The following XKR6 variants were observed in gnomAD, a reference collection of about 807,000 sequenced individuals.
The protein encoded by XKR6 is XK-related protein 6.
XKR6 carries 22 observed loss-of-function variants against 56.7 expected under a neutral mutation model. That is an observed-to-expected ratio of 0.39 (90% CI 0.28 to 0.55). XKR6 has a LOEUF of 0.55. Ranked by LOEUF, XKR6 falls within the 20% of genes least tolerant of loss-of-function variation. XKR6 has a pLI of 0.66. For missense variants in XKR6, 852 were observed against 889.0 expected (o/e 0.96, Z 0.53); for synonymous variants, 524 against 387.8 (o/e 1.35, Z -4.13).
intron 1 of XKR6, among the ~76,000 whole-genome samples, chr8:11,102,741 G>A (rs999425039): frequency 6.6e-6 from 1 of 152,154 alleles, no homozygotes; most frequent in Admixed American, 6.5e-5. Context: ...GAGCTGACAT[G>A]GGAAGAGTTA....
At chr8:11,008,463 C>G (rs1247872625) in intron 1 of XKR6, among the ~76,000 whole-genome samples, 1 of 149,386 alleles carries the variant, frequency 6.7e-6, no homozygotes, top group Non-Finnish European at 1.5e-5. Flanking sequence ...CTTTGTCACC[C>G]AGCCTGGAAC....
intron 1 of XKR6, among the ~76,000 whole-genome samples, chr8:11,171,154 A>G (rs951897527): frequency 1.3e-5 from 2 of 152,256 alleles, no homozygotes; most frequent in African/African-American, 2.4e-5. Flanking sequence ...AACTGCTAAG[A>G]AAGAAAGGAT....
chr8:10,953,158 A>C (rs1430503268), intron 1 of XKR6, among the ~76,000 whole-genome samples: 1 of 152,210 alleles, frequency 6.6e-6, no homozygotes, highest in African/African-American at 2.4e-5. Context: ...TAAAGTGTAC[A>C]ATCAATGTAA....
chr8:11,110,470 T>A (rs1057257651), intron 1 of XKR6, among the ~76,000 whole-genome samples: 2 of 152,194 alleles, frequency 1.3e-5, no homozygotes, highest in South Asian at 4.1e-4. Flanking sequence ...CCACCAACCA[T>A]CAAACTTTCA....
intron 1 of XKR6, among the ~76,000 whole-genome samples, chr8:11,113,403 T>C (rs537690499): frequency 2.6e-4 from 40 of 152,194 alleles, no homozygotes; most frequent in Non-Finnish European, 5.1e-4. Flanking sequence ...AAAGTTTTAC[T>C]AAAATGTAAA....
rs141370089 is a variant in XKR6, at chr8:10,972,718, G to A, written c.765-47888C>T. ...CAGGGGCTGGGGAAAAGTGGGGACT[G>A]GGGAGTCATTGTTTAGTGGGTACAG... On this transcript the variant is annotated intron_variant, in intron 1 of 2. Transcript: ENST00000416569. Among the ~76,000 whole-genome samples the A allele has an allele frequency of 3.9e-5, 6 of 152,302 alleles. No homozygotes were observed. In the East Asian group the frequency reaches 9.6e-4, roughly 24 times the overall value.
chr8:11,190,327 T>C (rs1274100871), intron 1 of XKR6, among the ~76,000 whole-genome samples: 1 of 152,140 alleles, frequency 6.6e-6, no homozygotes, highest in Non-Finnish European at 1.5e-5. Context: ...ATCCTTGGGA[T>C]ACAACTGCTG....
At chr8:10,900,945 C>A (rs1800019626) in intron 2 of XKR6, among the ~76,000 whole-genome samples, 1 of 148,944 alleles carries the variant, frequency 6.7e-6, no homozygotes, top group African/African-American at 2.5e-5. Flanking sequence ...GCCTCAACCT[C>A]CTGTGCTCAA....
intron 1 of XKR6, among the ~76,000 whole-genome samples, chr8:11,019,844 C>T (rs573276537): frequency 7.2e-4 from 110 of 152,320 alleles, no homozygotes; most frequent in African/African-American, 2.3e-3. Flanking sequence ...GCTGTACTTC[C>T]GTGTAAGCTC....
chr8:11,071,664 G>C (rs914904077), intron 1 of XKR6, among the ~76,000 whole-genome samples: 5 of 150,028 alleles, frequency 3.3e-5, no homozygotes, highest in Admixed American at 6.6e-5. Context: ...CCGAGTCTAT[G>C]AGCCCCGAGG....
chr8:11,155,962 C>G (rs1323984848), intron 1 of XKR6, among the ~76,000 whole-genome samples: 1 of 152,208 alleles, frequency 6.6e-6, no homozygotes, highest in African/African-American at 2.4e-5. Context: ...TGTGTGAACT[C>G]AACCCTTCCA....
At chr8:10,901,419 C>A (rs553176632) in intron 2 of XKR6, among the ~76,000 whole-genome samples, 1 of 152,146 alleles carries the variant, frequency 6.6e-6, no homozygotes, top group African/African-American at 2.4e-5. Context: ...ACAATCCTCC[C>A]ACTTTGACCT....
intron 1 of XKR6, among the ~76,000 whole-genome samples, chr8:11,185,517 T>G (rs1399774225): frequency 2.6e-5 from 4 of 152,186 alleles, no homozygotes; most frequent in Non-Finnish European, 5.9e-5. Flanking sequence ...GTACGTACAA[T>G]TTTTCACATT....
At chr8:11,132,976 T>A (rs1211197690) in intron 1 of XKR6, among the ~76,000 whole-genome samples, 1 of 152,044 alleles carries the variant, frequency 6.6e-6, no homozygotes, top group Non-Finnish European at 1.5e-5. Flanking sequence ...AAAAATAAAT[T>A]TACACATTTT....
chr8:11,194,821 C>G (rs1386964546), intron 1 of XKR6: 7 of 357,900 alleles, frequency 2.0e-5, no homozygotes, highest in Non-Finnish European at 3.5e-5. Context: ...TAAGCACCTG[C>G]CTGCTAGATT....
intron 1 of XKR6, among the ~76,000 whole-genome samples, chr8:10,988,244 C>T (rs1797907701): frequency 6.6e-6 from 1 of 152,110 alleles, no homozygotes. Flanking sequence ...GGTATGGATT[C>T]TTAATCTGTT....
At chr8:10,934,868 GT>G (rs1801166737) in intron 1 of XKR6, among the ~76,000 whole-genome samples, 1 of 144,352 alleles carries the variant, frequency 6.9e-6, no homozygotes, top group Non-Finnish European at 1.5e-5. Context: ...CTCTTTTTTC[GT>G]TGTGTCTCTG....
intron 1 of XKR6, among the ~76,000 whole-genome samples, chr8:11,049,006 G>A (rs1460592481): frequency 1.3e-5 from 2 of 152,216 alleles, no homozygotes; most frequent in Non-Finnish European, 2.9e-5. Flanking sequence ...GTCTGCTGAA[G>A]ACGAGTCGGA....
intron 1 of XKR6, among the ~76,000 whole-genome samples, chr8:11,030,077 C>T (rs936349917): frequency 2.6e-5 from 4 of 152,174 alleles, no homozygotes; most frequent in Admixed American, 1.3e-4. Flanking sequence ...TTCTAGTATT[C>T]CCAGACTGCA....
Sources: allele counts gnomAD v4.1 joint callset (sites outside exome capture counted in the v4.1 genomes callset), GRCh38; gene constraint gnomAD v4.1.1; transcripts MANE v1.5; gene names NCBI Gene and HGNC (gene_info 2026-07-23, HGNC 2026-07-21).